Variants in RUFY1 observed in about 807,000 individuals in gnomAD.
The protein encoded by RUFY1 is RUN and FYVE domain-containing protein 1.
In RUFY1, 54 loss-of-function variants were observed where a neutral mutation model predicts 94.6. The observed-to-expected ratio is 0.57, with a 90% CI of 0.46 to 0.72. The LOEUF (loss-of-function observed/expected upper bound fraction) is 0.72. RUFY1 is among the 30% of genes least tolerant of loss of function. The pLI is 0.00. For synonymous variants in RUFY1, 396 were observed against 347.3 expected, an observed-to-expected ratio of 1.14 and a Z score of -1.56; for missense variants, 883 against 883.9, an observed-to-expected ratio of 1.00 and a Z score of 0.01.
intron 1 of RUFY1, 147 bp from the exon 2 acceptor site, chr5:179,559,878 C>G: frequency 7.0e-7 from 1 of 1,425,562 alleles, no homozygotes; most frequent in Non-Finnish European, 9.2e-7. Context: ...TACTTACCTG[C>G]GAATCCCGGT....
chr5:179,554,175 C>T (rs1018506459), intron 1 of RUFY1, among the ~76,000 whole-genome samples: 1 of 152,194 alleles, frequency 6.6e-6, no homozygotes, highest in African/African-American at 2.4e-5. Context: ...AGCACTCTTG[C>T]TGGATGATAT....
At position 179,559,982 on chromosome 5, in the gene RUFY1, C is replaced by CG. The variant is rs774922486; in HGVS notation, c.311-42dup. 6 of 1,588,952 alleles carry CG rather than the reference C, an allele frequency of 3.8e-6. No individual in the cohort carries two copies. The East Asian group carries it at 1.3e-4, about 36-fold the overall frequency. On this transcript the variant is annotated intron_variant, in intron 1 of 17. Coordinates refer to ENST00000319449, the MANE Select transcript of RUFY1 (RefSeq NM_025158.5). ...CGTTGCCCGGAGTCTGACCTCCCCA[C>CG]GCTCAGTCCACTAACGAAGCTATCC...
In RUFY1 at chr5:179,599,970, G is replaced by A. The variant is rs557030902; in HGVS notation, c.1761+1149G>A. ...GAAAGTGCCTGGAGTTGTTGGGGAA[G>A]GGAGAGCTTCCTCAAGAGCCAGATC... On this transcript the variant is annotated intron_variant, in intron 14 of 17. Transcript: ENST00000319449. 7.2e-5 allele frequency: 11 copies of A among 152,410 alleles called. No homozygotes were observed. The East Asian group carries it at 2.1e-3, about 29-fold the overall frequency. The allele number at this position is 152,410 out of a possible 1,614,324, so 9.4% of individuals were successfully genotyped here.
chr5:179,606,109 T>C (rs1767057819), intron 16 of RUFY1, 185 bp downstream of exon 16: 2 of 598,862 alleles, frequency 3.3e-6, no homozygotes, highest in African/African-American at 3.7e-5. Flanking sequence ...TGCTGACAGG[T>C]GGCCGAAGCT....
At chr5:179,550,917 G>A in intron 1 of RUFY1, 38 bp downstream of exon 1, 2 of 1,078,654 alleles carry the variant, frequency 1.9e-6, no homozygotes, top group Non-Finnish European at 2.2e-6. Flanking sequence ...GCGGACTCGC[G>A]TGTCCCCGCT....
intron 15 of RUFY1, among the ~76,000 whole-genome samples, chr5:179,604,839 C>G (rs1766876329): frequency 6.6e-6 from 1 of 150,946 alleles, no homozygotes; most frequent in Non-Finnish European, 1.5e-5. Flanking sequence ...AGAAAATAAG[C>G]TGGGTGTGGT....
intron 15 of RUFY1, among the ~76,000 whole-genome samples, chr5:179,605,670 C>G (rs889791260): frequency 6.6e-6 from 1 of 152,110 alleles, no homozygotes; most frequent in Non-Finnish European, 1.5e-5. Context: ...GTCCCAGGCT[C>G]AGCCTCAGCC....
chr5:179,604,377 TTG>T (rs896877608), intron 15 of RUFY1, among the ~76,000 whole-genome samples: 112 of 152,288 alleles, frequency 7.4e-4, no homozygotes, highest in Non-Finnish European at 1.2e-3. Flanking sequence ...TCTTCCTAAA[TTG>T]TGTTTCCCAG....
chr5:179,580,245 A>ATATATATATTT lies in RUFY1; in HGVS notation c.891-701_891-700insATATATATTTT, dbSNP rs59300402. On this transcript the variant is annotated intron_variant, in intron 6 of 17. Coordinates refer to ENST00000319449, the MANE Select transcript of RUFY1 (RefSeq NM_025158.5). ...TGTGTGTGTGTGTGTGTGTGTGTAT[A>ATATATATATTT]TTTTTTTTTTTTTTTGAGACGGAGT... Among the ~76,000 whole-genome samples the ATATATATATTT allele has an allele frequency of 4.0e-3, 324 of 81,670 alleles. 2 individuals are homozygous for ATATATATATTT. The highest frequency in any genetic ancestry group is 0.016 in the Middle Eastern group (2 of 122). The allele number at this position is 81,670 out of a possible 152,430, so 53.6% of individuals were successfully genotyped here.
chr5:179,570,588 A>C (rs1190619756), intron 5 of RUFY1, among the ~76,000 whole-genome samples: 1 of 152,096 alleles, frequency 6.6e-6, no homozygotes, highest in African/African-American at 2.4e-5. Flanking sequence ...TAGGTACCCT[A>C]ACCCATTCCT....
At chr5:179,574,945 T>C (rs1391431843) in intron 5 of RUFY1, among the ~76,000 whole-genome samples, 1 of 152,126 alleles carries the variant, frequency 6.6e-6, no homozygotes, top group Non-Finnish European at 1.5e-5. Flanking sequence ...TTTTTTATTA[T>C]AAAAGAAATG....
At chr5:179,582,924 T>C (rs191504087) in intron 7 of RUFY1, among the ~76,000 whole-genome samples, 1 of 152,316 alleles carries the variant, frequency 6.6e-6, no homozygotes, top group East Asian at 1.9e-4. Flanking sequence ...ATCAGGGTTA[T>C]GTAGCATTGC....
Position 179,591,813 on chromosome 5 carries a change from G to A in RUFY1, c.1245+72G>A, listed in dbSNP as rs916669669. 6.5e-6 allele frequency: 6 copies of A among 920,068 alleles called. No individual in the cohort carries two copies. The African/African-American group carries it at 1.0e-4, about 16-fold the overall frequency. 57.0% of individuals were successfully genotyped at this position (920,068 alleles called of 1,614,324 possible). ...GTTAATTCTGTCAACACTTTTCATA[G>A]ACATGCTTCACCATCCTGATGGTCA... is the stretch of plus-strand genomic sequence containing the variant. On this transcript the variant is annotated intron_variant, in intron 10 of 17. Coordinates refer to ENST00000319449, the MANE Select transcript of RUFY1 (RefSeq NM_025158.5).
At chr5:179,600,396 C>G (rs991224560) in intron 14 of RUFY1, among the ~76,000 whole-genome samples, 2 of 152,178 alleles carry the variant, frequency 1.3e-5, no homozygotes, top group Non-Finnish European at 2.9e-5. Context: ...GAACTCCCTC[C>G]GTGCAGGGCT....
At position 179,569,302 on chromosome 5, in the gene RUFY1, C is replaced by G. The variant is rs141995707; in HGVS notation, c.705C>G (p.Ser235Arg). The change falls in exon 5 of 18, where the codon AGC (serine) becomes AGG (arginine). Residue 235 changes from serine (S) to arginine (R), a missense_variant and splice_region_variant. By Grantham distance (110) the Ser-to-Arg change is moderately radical (BLOSUM62 -1). Coordinates refer to ENST00000319449, the MANE Select transcript of RUFY1 (RefSeq NM_025158.5). ...KVLIDNKHLL[S>R]EFYEPEALMM... ...GCCCTGTCCTGTCCATCTCTTTCAG[C>G]GAGTTCTATGAGCCTGAGGCTTTAA... 48 of 1,613,618 alleles carry G rather than the reference C, an allele frequency of 3.0e-5. No individual in the cohort carries two copies. The African/African-American group carries it at 4.7e-4, about 16-fold the overall frequency.
At chr5:179,560,546 G>A (rs368007555) in intron 2 of RUFY1, among the ~76,000 whole-genome samples, 1 of 144,760 alleles carries the variant, frequency 6.9e-6, no homozygotes, top group Non-Finnish European at 1.6e-5. Flanking sequence ...GGTGAAACCC[G>A]GTCTCTACTA....
chr5:179,609,754 T>C lies in RUFY1; in HGVS notation c.*235T>C, dbSNP rs1767539380. On this transcript the variant is annotated 3_prime_UTR_variant, in exon 18 of 18. Coordinates refer to ENST00000319449, the MANE Select transcript of RUFY1 (RefSeq NM_025158.5). ...CCATCTTACTTGGTTACATCACGGC[T>C]CTGGTTCAGATACAACTTCATGATT... 3 of 456,712 alleles carry C rather than the reference T, an allele frequency of 6.6e-6. No homozygotes were observed. Among genetic ancestry groups the C allele is most frequent in the Non-Finnish European group, 7.7e-6 (2 of 258,606 alleles). 28.3% of individuals were successfully genotyped at this position (456,712 alleles called of 1,614,324 possible). A position where few individuals can be genotyped will look rare whatever the true frequency, so the allele number is the denominator to read the frequency against.
At position 179,569,184 on chromosome 5, in the gene RUFY1, A is replaced by T. The variant is rs2127524168; in HGVS notation, c.705-118A>T. Reference sequence around the variant, plus strand: ...AAGAGAAATGAAAGGGAGGGAGGAAATCCACAGCAGTATCTTCTGGCTCCA... The same window carrying T: ...AAGAGAAATGAAAGGGAGGGAGGAATTCCACAGCAGTATCTTCTGGCTCCA... On this transcript the variant is annotated intron_variant, in intron 4 of 17. Coordinates refer to ENST00000319449, the MANE Select transcript of RUFY1 (RefSeq NM_025158.5). 3.8e-6 allele frequency: 6 copies of T among 1,567,864 alleles called. No homozygotes were observed. The East Asian group carries it at 1.4e-4, about 36-fold the overall frequency.
At chr5:179,559,241 A>G (rs914286067) in intron 1 of RUFY1, among the ~76,000 whole-genome samples, 4 of 152,234 alleles carry the variant, frequency 2.6e-5, no homozygotes, top group Non-Finnish European at 4.4e-5. Flanking sequence ...GCACGTATAG[A>G]TATCTGATGA....
Sources: allele counts gnomAD v4.1 joint callset (sites outside exome capture counted in the v4.1 genomes callset), GRCh38; gene constraint gnomAD v4.1.1; transcripts MANE v1.5; gene names NCBI Gene and HGNC (gene_info 2026-07-23, HGNC 2026-07-21).